Variants in MMP16 observed in about 807,000 individuals in gnomAD.
MMP16 encodes the protein matrix metalloproteinase-16.
Under a neutral mutation model 67.8 loss-of-function variants are expected in MMP16, and 12 were observed. The ratio of observed to expected loss-of-function variants is 0.18; its 90% CI spans 0.11 to 0.29. MMP16 has a LOEUF of 0.29. Ranked by LOEUF, MMP16 falls within the 10% of genes least tolerant of loss-of-function variation. The pLI, the probability that MMP16 is intolerant of heterozygous loss-of-function variation, is 1.00. For synonymous variants in MMP16, 249 were observed against 255.9 expected, an observed-to-expected ratio of 0.97 and a Z score of 0.26; for missense variants, 475 against 765.7, an observed-to-expected ratio of 0.62 and a Z score of 4.48.
chr8:88,088,997 T>C (rs1386124848), intron 6 of MMP16, among the ~76,000 whole-genome samples: 1 of 152,130 alleles, frequency 6.6e-6, no homozygotes, highest in African/African-American at 2.4e-5. Context: ...ATTATGTCGA[T>C]GTGATCAAAT....
chr8:88,301,384 T>C lies in MMP16; in HGVS notation c.132+25691A>G, dbSNP rs28986477. On this transcript the variant is annotated intron_variant, in intron 1 of 9. Coordinates refer to ENST00000286614, the MANE Select transcript of MMP16 (RefSeq NM_005941.5). ...GAAGTTTAACTGTCTGACCCTCTTC[T>C]TCACTCCTTCCTGGAAGCAGGAAAA... Among the ~76,000 whole-genome samples the C allele has an allele frequency of 5.6e-3, 853 of 152,306 alleles. 8 individuals carry two copies. The highest frequency in any genetic ancestry group is 0.019 in the African/African-American group (803 of 41,562).
At chr8:88,073,282 T>C (rs964602722) in intron 7 of MMP16, among the ~76,000 whole-genome samples, 3 of 152,214 alleles carry the variant, frequency 2.0e-5, no homozygotes, top group African/African-American at 7.2e-5. Flanking sequence ...TATATGCTTA[T>C]TATAGACAGC....
rs1425206087 is a variant in MMP16, at chr8:88,039,066, C to G, written c.*2395G>C. The G allele has an allele frequency of 6.6e-6, 1 of 152,432 alleles. No homozygotes were observed. Among genetic ancestry groups the G allele is most frequent in the East Asian group, 1.9e-4 (1 of 5,174 alleles). 9.4% of individuals were successfully genotyped at this position (152,432 alleles called of 1,614,324 possible). On this transcript the variant is annotated 3_prime_UTR_variant, in exon 10 of 10. Transcript: ENST00000286614. The surrounding 1 kb of genome is among the most constrained non-coding windows in gnomAD (Gnocchi z 4.5). ...ACCAAAAGGCATTCTAATTTTCATG[C>G]TACGTTGAGTATAAATATAAATTCA... is the stretch of plus-strand genomic sequence containing the variant.
intron 1 of MMP16, among the ~76,000 whole-genome samples, chr8:88,215,300 T>G (rs1194660691): frequency 6.6e-6 from 1 of 151,774 alleles, no homozygotes; most frequent in Non-Finnish European, 1.5e-5. Context: ...CCAGCCTGGG[T>G]GACAGAGTGA....
intron 1 of MMP16, among the ~76,000 whole-genome samples, chr8:88,302,206 G>C (rs558088317): frequency 3.9e-5 from 6 of 152,298 alleles, no homozygotes; most frequent in Non-Finnish European, 7.3e-5. Flanking sequence ...AAAATAATTA[G>C]GAGGGCAAAG....
In MMP16 at chr8:88,197,313, T is replaced by A. The variant is rs749067781; in HGVS notation, c.133-7A>T. 2.6e-6 allele frequency: 4 copies of A among 1,543,122 alleles called. No homozygotes were observed. Among genetic ancestry groups the A allele is most frequent in the Non-Finnish European group, 3.5e-6 (4 of 1,147,490 alleles). On this transcript the variant is annotated splice_region_variant and splice_polypyrimidine_tract_variant and intron_variant, in intron 1 of 9. Transcript: ENST00000286614. ...CGTACTTTTGTAACCAAACCTGCAA[T>A]AACAAGTACAGTTTCTTTTAGATCA...
intron 6 of MMP16, among the ~76,000 whole-genome samples, chr8:88,082,984 C>T (rs905911837): frequency 6.6e-6 from 1 of 151,692 alleles, no homozygotes; most frequent in African/African-American, 2.4e-5. Context: ...GGAAATAGAC[C>T]ACAAAAGAAA....
At chr8:88,278,014 C>T (rs989563846) in intron 1 of MMP16, among the ~76,000 whole-genome samples, 7 of 152,174 alleles carry the variant, frequency 4.6e-5, no homozygotes, top group African/African-American at 1.2e-4. Flanking sequence ...GGCTCTAATG[C>T]TAGTTACATG....
chr8:88,311,382 T>A (rs529248962), intron 1 of MMP16, among the ~76,000 whole-genome samples: 2 of 152,170 alleles, frequency 1.3e-5, no homozygotes, highest in Non-Finnish European at 2.9e-5. Flanking sequence ...ATTTGCCTTT[T>A]TACTCTCATT....
At chr8:88,114,055 C>CA (rs1163252352) in intron 6 of MMP16, among the ~76,000 whole-genome samples, 1 of 151,672 alleles carries the variant, frequency 6.6e-6, no homozygotes, top group African/African-American at 2.4e-5. Context: ...AGAAGTGTTT[C>CA]AAAAAAACTT....
Position 88,096,729 on chromosome 8 carries a change from C to T in MMP16, c.1083+19778G>A, listed in dbSNP as rs528463548. Among the ~76,000 whole-genome samples the T allele has an allele frequency of 2.0e-5, 3 of 151,946 alleles. No homozygotes were observed. In the South Asian group the frequency reaches 6.2e-4, roughly 31 times the overall value. On this transcript the variant is annotated intron_variant, in intron 6 of 9. Coordinates refer to ENST00000286614, the MANE Select transcript of MMP16 (RefSeq NM_005941.5). The stretch of plus-strand genomic sequence containing the variant: ...GGACTGAAGGAATTTGTTAAATATG[C>T]AACCCTCATAGGAAAGTCACACCCT...
chr8:88,171,367 G>C (rs148695063), intron 3 of MMP16, among the ~76,000 whole-genome samples: 3 of 152,178 alleles, frequency 2.0e-5, no homozygotes, highest in African/African-American at 7.2e-5. Flanking sequence ...AGAGTAAAAG[G>C]TTATGGATGC....
At chr8:88,055,602 G>C (rs1808322040) in intron 8 of MMP16, among the ~76,000 whole-genome samples, 1 of 152,160 alleles carries the variant, frequency 6.6e-6, no homozygotes, top group African/African-American at 2.4e-5. Flanking sequence ...AAATAGTTGG[G>C]AAAAAATATT....
intron 1 of MMP16, among the ~76,000 whole-genome samples, chr8:88,266,572 T>C (rs1385131086): frequency 4.6e-5 from 7 of 152,150 alleles, no homozygotes; most frequent in Admixed American, 2.6e-4. Flanking sequence ...CTTCCACCCA[T>C]TTGGCGTCCC....
In MMP16 at chr8:88,056,070, G is replaced by T. The variant is rs1586126215; in HGVS notation, c.1373+58C>A. ...CTGATGCCTCTGATAGACTAGAAATGCTGATTTTCTAAACATTGGTTAATT... is the reference window on the plus strand; with the variant it reads ...CTGATGCCTCTGATAGACTAGAAATTCTGATTTTCTAAACATTGGTTAATT... On this transcript the variant is annotated intron_variant, in intron 8 of 9. Coordinates refer to ENST00000286614, the MANE Select transcript of MMP16 (RefSeq NM_005941.5). 10 of 1,302,982 alleles carry T rather than the reference G, an allele frequency of 7.7e-6. No homozygotes were observed. In the East Asian group the frequency reaches 2.8e-4, roughly 36 times the overall value. The allele number at this position is 1,302,982 out of a possible 1,614,324, so 80.7% of individuals were successfully genotyped here.
chr8:88,289,925 C>T (rs1810896191), intron 1 of MMP16, among the ~76,000 whole-genome samples: 1 of 152,164 alleles, frequency 6.6e-6, no homozygotes. Flanking sequence ...CTACCCTGCA[C>T]TACCCTGCAC....
At chr8:88,128,826 A>G (rs1286526662) in intron 4 of MMP16, among the ~76,000 whole-genome samples, 1 of 151,826 alleles carries the variant, frequency 6.6e-6, no homozygotes, top group African/African-American at 2.4e-5. Flanking sequence ...GAGGGATCCT[A>G]AAGATCTGGA....
rs147654837 is a variant in MMP16 at position 88,069,541 on chromosome 8, T to C, written c.1222+5064A>G. 3.6e-3 allele frequency: 1,861 copies of C among 521,518 alleles called. 38 individuals carry two copies. Among genetic ancestry groups the C allele is most frequent in the African/African-American group, 0.032 (1,618 of 51,160 alleles). 32.3% of individuals were successfully genotyped at this position (521,518 alleles called of 1,614,324 possible). ...CCCTTCACTGCAAAGGAAAGGTTTGTTTACTGTCCAGTATGATGAAGAAAG... is the reference window on the plus strand; with the variant it reads ...CCCTTCACTGCAAAGGAAAGGTTTGCTTACTGTCCAGTATGATGAAGAAAG... On this transcript the variant is annotated intron_variant, in intron 7 of 9. Coordinates refer to ENST00000286614, the MANE Select transcript of MMP16 (RefSeq NM_005941.5).
At chr8:88,225,005 A>T (rs181035020) in intron 1 of MMP16, among the ~76,000 whole-genome samples, 1 of 152,082 alleles carries the variant, frequency 6.6e-6, no homozygotes, top group East Asian at 1.9e-4. Flanking sequence ...TCCCTGAGTG[A>T]GGTGTGAAAT....
Sources: allele counts gnomAD v4.1 joint callset (sites outside exome capture counted in the v4.1 genomes callset), GRCh38; gene constraint gnomAD v4.1.1; non-coding constraint Gnocchi (gnomAD v3.1); transcripts MANE v1.5; gene names NCBI Gene and HGNC (gene_info 2026-07-23, HGNC 2026-07-21).